The following FAM53A variants were observed in gnomAD, a reference collection of about 807,000 sequenced individuals.
The protein encoded by FAM53A is family with sequence similarity 53 member A, also known as protein FAM53A.
FAM53A carries 28 observed loss-of-function variants against 26.6 expected under a neutral mutation model. That is an observed-to-expected ratio of 1.05 (90% CI 0.78 to 1.45). The LOEUF is 1.45. Among genes scored for constraint, FAM53A ranks in the 40% most tolerant of loss-of-function variants. FAM53A has a pLI of 0.00. For synonymous variants in FAM53A, 290 were observed against 253.1 expected, an observed-to-expected ratio of 1.15 and a Z score of -1.38; for missense variants, 650 against 575.8, an observed-to-expected ratio of 1.13 and a Z score of -1.32.
intron 4 of FAM53A, among the ~76,000 whole-genome samples, chr4:1,649,672 T>C (rs73795196): frequency 0.087 from 13,294 of 152,296 alleles, 1,694 homozygotes; most frequent in African/African-American, 0.28. Flanking sequence ...TGAGGCCTCC[T>C]GCCAAAAGCC....
At chr4:1,614,513 T>C (rs552627616), downstream of FAM53A, among the ~76,000 whole-genome samples, 17 of 134,654 alleles carry the variant, frequency 1.3e-4, no homozygotes, top group African/African-American at 3.9e-4. Context: ...GTGAGGGGGA[T>C]GCAGAGACGT....
chr4:1,644,373 C>G lies in FAM53A; in HGVS notation c.883-2766G>C, dbSNP rs1405779618. Reference sequence around the variant, plus strand: ...GCGTGAAAACAGCAGGCTCTGAACGCCTCTGGACGACACAGTCGGTGCAGG... The same window carrying G: ...GCGTGAAAACAGCAGGCTCTGAACGGCTCTGGACGACACAGTCGGTGCAGG... On this transcript the variant is annotated intron_variant, in intron 4 of 4. Transcript: ENST00000308132. 3.3e-6 allele frequency: 5 copies of G among 1,533,286 alleles called. No homozygotes were observed. In the African/African-American group the frequency reaches 4.1e-5, roughly 13 times the overall value. The allele number at this position is 1,533,286 out of a possible 1,614,324, so 95.0% of individuals were successfully genotyped here.
At chr4:1,590,482 C>T in the FAM53A span, among the ~76,000 whole-genome samples, 20 of 152,216 alleles carry the variant, frequency 1.3e-4, no homozygotes, top group South Asian at 1.2e-3. Context: ...CAGCCCTGAA[C>T]CACAATAAAA....
intron 1 of FAM53A, among the ~76,000 whole-genome samples, chr4:1,627,238 C>T (rs1485249342): frequency 6.6e-6 from 1 of 152,198 alleles, no homozygotes; most frequent in Non-Finnish European, 1.5e-5. Context: ...GAAGGGAACA[C>T]GACCACTACC....
At chr4:1,615,222 A>T (rs554418117), downstream of FAM53A, among the ~76,000 whole-genome samples, 1 of 149,810 alleles carries the variant, frequency 6.7e-6, no homozygotes, top group Non-Finnish European at 1.5e-5. Flanking sequence ...GGATGCGGCC[A>T]TGCCCATCCC....
At chr4:1,671,825 A>G (rs1289273330) in intron 1 of FAM53A, among the ~76,000 whole-genome samples, 2 of 152,262 alleles carry the variant, frequency 1.3e-5, no homozygotes, top group Non-Finnish European at 2.9e-5. Context: ...TAGAAAGGCA[A>G]CAGCAGCCAC....
intron 1 of FAM53A, among the ~76,000 whole-genome samples, chr4:1,622,957 C>T (rs1370998965): frequency 1.3e-5 from 2 of 152,216 alleles, no homozygotes; most frequent in Admixed American, 6.5e-5. Context: ...CCCGCGTGTC[C>T]CTCCCTAAAC....
chr4:1,673,239 GA>G (rs1354831020), intron 1 of FAM53A, among the ~76,000 whole-genome samples: 14 of 152,302 alleles, frequency 9.2e-5, no homozygotes, highest in East Asian at 7.7e-4. Context: ...CCCTGGGTCA[GA>G]AAAACGGCAG....
At chr4:1,604,214 T>C in the FAM53A span, among the ~76,000 whole-genome samples, 1 of 151,768 alleles carries the variant, frequency 6.6e-6, no homozygotes, top group Non-Finnish European at 1.5e-5. Flanking sequence ...TGTGGATGGG[T>C]GGGGAAGAAG....
intron 2 of FAM53A, among the ~76,000 whole-genome samples, chr4:1,660,127 A>G (rs1284859763): frequency 6.6e-6 from 1 of 152,056 alleles, no homozygotes; most frequent in Non-Finnish European, 1.5e-5. Context: ...TACTAAAAAT[A>G]CAAAAATTAG....
At chr4:1,621,643 A>G (rs995994805) in intron 1 of FAM53A, among the ~76,000 whole-genome samples, 1 of 152,208 alleles carries the variant, frequency 6.6e-6, no homozygotes, top group African/African-American at 2.4e-5. Context: ...CAGGTCACGG[A>G]GGCAGTGCCA....
the FAM53A span, among the ~76,000 whole-genome samples, chr4:1,589,739 A>T: frequency 6.6e-6 from 1 of 151,814 alleles, no homozygotes; most frequent in Non-Finnish European, 1.5e-5. Context: ...TTTTCCCTTC[A>T]TTATTTTTGC....
At chr4:1,656,669 C>T (rs1408218289) in intron 3 of FAM53A, among the ~76,000 whole-genome samples, 2 of 152,168 alleles carry the variant, frequency 1.3e-5, no homozygotes, top group Non-Finnish European at 2.9e-5. Flanking sequence ...ACAGGCCCGG[C>T]AGGGGGTGGG....
the FAM53A span, among the ~76,000 whole-genome samples, chr4:1,584,918 A>G: frequency 6.6e-6 from 1 of 152,180 alleles, no homozygotes; most frequent in East Asian, 1.9e-4. Context: ...GACAGACTTC[A>G]CCTTTCAGTG....
chr4:1,580,776 G>GC, the FAM53A span, among the ~76,000 whole-genome samples: 304 of 107,732 alleles, frequency 2.8e-3, 9 homozygotes, highest in African/African-American at 0.01. Flanking sequence ...CCCACTCAAG[G>GC]CCCCGCCTCC....
chr4:1,624,217 G>T (rs1038025416), intron 1 of FAM53A, among the ~76,000 whole-genome samples: 1 of 152,246 alleles, frequency 6.6e-6, no homozygotes, highest in African/African-American at 2.4e-5. Flanking sequence ...GCCTCATCTT[G>T]TCTGTGACAC....
intron 4 of FAM53A, among the ~76,000 whole-genome samples, chr4:1,650,582 C>T (rs904069738): frequency 6.6e-6 from 1 of 151,988 alleles, no homozygotes; most frequent in Non-Finnish European, 1.5e-5. Context: ...CCGCAACCTC[C>T]GCCTCCAGGT....
downstream of FAM53A, among the ~76,000 whole-genome samples, chr4:1,638,570 G>C (rs537201937): frequency 4.5e-4 from 68 of 152,282 alleles, no homozygotes; most frequent in Admixed American, 2.0e-3. Flanking sequence ...GAGGAGATGA[G>C]GTAGGGTAGG....
downstream of FAM53A, among the ~76,000 whole-genome samples, chr4:1,615,353 G>A (rs28470698): frequency 4.5e-4 from 61 of 134,830 alleles, no homozygotes; most frequent in African/African-American, 1.6e-3. Flanking sequence ...ATGCGGCCAC[G>A]CCCACCCCAC....
Sources: allele counts gnomAD v4.1 joint callset (sites outside exome capture counted in the v4.1 genomes callset), GRCh38; gene constraint gnomAD v4.1.1; transcripts MANE v1.5; gene names NCBI Gene and HGNC (gene_info 2026-07-23, HGNC 2026-07-21).